The following CAMK4 variants were observed in gnomAD, a reference collection of about 807,000 sequenced individuals.
CAMK4 encodes the protein calcium/calmodulin dependent protein kinase IV.
A neutral mutation model predicts 44.9 loss-of-function variants in CAMK4; 22 were observed. That is an observed-to-expected ratio of 0.49 (90% CI 0.35 to 0.70). CAMK4 has a LOEUF of 0.70. CAMK4 is among the 30% of genes least tolerant of loss of function. CAMK4 has a pLI of 0.01. For synonymous variants in CAMK4, 218 were observed against 215.4 expected (o/e 1.01, Z -0.11); for missense variants, 498 against 586.8 (o/e 0.85, Z 1.56).
chr5:111,376,033 T>C (rs2112825419), intron 3 of CAMK4, among the ~76,000 whole-genome samples: 1 of 152,188 alleles, frequency 6.6e-6, no homozygotes, highest in East Asian at 1.9e-4. Flanking sequence ...AATTAGTGGC[T>C]AAGACCATTC....
At chr5:111,373,195 AC>A (rs1751077488) in intron 2 of CAMK4, among the ~76,000 whole-genome samples, 1 of 152,092 alleles carries the variant, frequency 6.6e-6, no homozygotes, top group Non-Finnish European at 1.5e-5. Context: ...AATAACCAAA[AC>A]TTTTATTGCA....
At chr5:111,431,814 T>A (rs994478994) in intron 5 of CAMK4, among the ~76,000 whole-genome samples, 3 of 152,014 alleles carry the variant, frequency 2.0e-5, no homozygotes, top group Non-Finnish European at 4.4e-5. Flanking sequence ...CAATGAGATA[T>A]CATCTCACCC....
chr5:111,454,222 T>C (rs1754337408), intron 7 of CAMK4, among the ~76,000 whole-genome samples: 1 of 152,210 alleles, frequency 6.6e-6, no homozygotes, highest in African/African-American at 2.4e-5. Flanking sequence ...GATGATTATA[T>C]CCAAGGTCGA....
chr5:111,326,975 G>T (rs574820968), intron 1 of CAMK4, among the ~76,000 whole-genome samples: 1 of 151,634 alleles, frequency 6.6e-6, no homozygotes, highest in Non-Finnish European at 1.5e-5. Context: ...AAAATAGAAA[G>T]CTGAGTGCTT....
chr5:111,297,396 A>C lies in CAMK4; in HGVS notation c.162-46628A>C, dbSNP rs547466754. 5.3e-5 allele frequency among the ~76,000 whole-genome samples: 8 copies of C among 152,304 alleles called. No homozygotes were observed. The East Asian group carries it at 1.4e-3, about 26-fold the overall frequency. On this transcript the variant is annotated intron_variant, in intron 1 of 10. Transcript: ENST00000282356. ...AGGATGTGGAAAATTAGCTCACTGC[A>C]CTTCGTCAAACCTATTTAAGAGAGA...
At chr5:111,274,388 C>T (rs919147983) in intron 1 of CAMK4, among the ~76,000 whole-genome samples, 11 of 152,226 alleles carry the variant, frequency 7.2e-5, no homozygotes, top group Non-Finnish European at 1.5e-4. Flanking sequence ...AATTTGTTTG[C>T]TAATACATCC....
chr5:111,446,587 C>T (rs1157018753), intron 5 of CAMK4, 99 bp from the exon 6 acceptor site: 3 of 665,774 alleles, frequency 4.5e-6, no homozygotes, highest in Non-Finnish European at 7.9e-6. Flanking sequence ...TATGTGTGTT[C>T]TTGAATCACA....
In CAMK4 at chr5:111,396,414, A is replaced by G. The variant is rs77492119; in HGVS notation, c.459+1632A>G. 3.5e-4 allele frequency among the ~76,000 whole-genome samples: 54 copies of G among 152,182 alleles called. No individual in the cohort carries two copies. In the East Asian group the frequency reaches 0.01, roughly 28 times the overall value. On this transcript the variant is annotated intron_variant, in intron 5 of 10. Coordinates refer to ENST00000282356, the MANE Select transcript of CAMK4 (RefSeq NM_001744.6). ...CCACCCCATTTCAGATTTTCATCACACATAACATATTTACCAATTCTGGTT... is the reference window on the plus strand; with the variant it reads ...CCACCCCATTTCAGATTTTCATCACGCATAACATATTTACCAATTCTGGTT...
At chr5:111,316,466 G>A (rs1396107114) in intron 1 of CAMK4, among the ~76,000 whole-genome samples, 1 of 152,114 alleles carries the variant, frequency 6.6e-6, no homozygotes, top group African/African-American at 2.4e-5. Context: ...GAGAACACCT[G>A]AGGTGACTTT....
intron 1 of CAMK4, among the ~76,000 whole-genome samples, chr5:111,225,572 G>T (rs375134297): frequency 6.6e-6 from 1 of 151,958 alleles, no homozygotes; most frequent in African/African-American, 2.4e-5. Context: ...TAATTTCAAC[G>T]GTTGACAAGT....
intron 7 of CAMK4, among the ~76,000 whole-genome samples, chr5:111,469,634 T>C (rs756981216): frequency 6.6e-5 from 10 of 152,174 alleles, no homozygotes; most frequent in Non-Finnish European, 1.5e-4. Context: ...CTTGCCAGTA[T>C]GTGTCTCTGG....
chr5:111,237,153 A>G lies in CAMK4; in HGVS notation c.161+12509A>G, dbSNP rs542174332. Among the ~76,000 whole-genome samples, 6 of 152,270 alleles carry G rather than the reference A, an allele frequency of 3.9e-5. No homozygotes were observed. The South Asian group carries it at 1.0e-3, about 26-fold the overall frequency. ...CTAGTTTATAGTGAACACTCATTACATATTTGCTGAGTAATATATCAGTTG... is the reference window on the plus strand; with the variant it reads ...CTAGTTTATAGTGAACACTCATTACGTATTTGCTGAGTAATATATCAGTTG... On this transcript the variant is annotated intron_variant, in intron 1 of 10. Coordinates refer to ENST00000282356, the MANE Select transcript of CAMK4 (RefSeq NM_001744.6).
At chr5:111,475,179 C>G (rs1755194101) in intron 8 of CAMK4, among the ~76,000 whole-genome samples, 1 of 151,788 alleles carries the variant, frequency 6.6e-6, no homozygotes, top group South Asian at 2.1e-4. Flanking sequence ...CAAAACAAAA[C>G]AAAACAAAAG....
chr5:111,463,431 A>G (rs1472815961), intron 7 of CAMK4, among the ~76,000 whole-genome samples: 8 of 152,224 alleles, frequency 5.3e-5, no homozygotes, highest in Admixed American at 5.2e-4. Flanking sequence ...GACAAAGGAC[A>G]TAACCTCTTG....
intron 1 of CAMK4, among the ~76,000 whole-genome samples, chr5:111,234,374 T>G (rs1213755330): frequency 1.3e-5 from 2 of 152,142 alleles, no homozygotes; most frequent in African/African-American, 4.8e-5. Flanking sequence ...AACAGTCACA[T>G]AGAAGAAAAC....
intron 1 of CAMK4, among the ~76,000 whole-genome samples, chr5:111,291,639 C>T (rs1012919367): frequency 2.6e-5 from 4 of 152,142 alleles, no homozygotes; most frequent in Non-Finnish European, 4.4e-5. Context: ...TTGCCTCAGC[C>T]TCCTGGGACC....
At position 111,490,306 on chromosome 5, in the gene CAMK4, G is replaced by A. The variant is rs147384576; in HGVS notation, c.*5840G>A. 1.3e-5 allele frequency: 2 copies of A among 152,234 alleles called. No homozygotes were observed. The highest frequency in any genetic ancestry group is 2.9e-5 in the Non-Finnish European group (2 of 68,026). The allele number at this position is 152,234 out of a possible 1,614,324, so 9.4% of individuals were successfully genotyped here. A position where few individuals can be genotyped will look rare whatever the true frequency, so the allele number is the denominator to read the frequency against. On this transcript the variant is annotated 3_prime_UTR_variant, in exon 11 of 11. Transcript: ENST00000282356. ...AGAGCAGTTCATCTGTTTTGTAAAG[G>A]TACAGTTAAGCATAACTATAGGCTG...
chr5:111,454,405 A>T (rs1303202442), intron 7 of CAMK4, among the ~76,000 whole-genome samples: 1 of 152,170 alleles, frequency 6.6e-6, no homozygotes, highest in Non-Finnish European at 1.5e-5. Context: ...GGCTATTAAT[A>T]AACAGGGCTC....
chr5:111,242,366 C>T (rs1381853008), intron 1 of CAMK4, among the ~76,000 whole-genome samples: 3 of 152,134 alleles, frequency 2.0e-5, no homozygotes, highest in Non-Finnish European at 4.4e-5. Flanking sequence ...TCCTTGGCAT[C>T]GTACCTAGTA....
Sources: gnomAD v4.1 joint callset for allele counts (sites outside exome capture counted in the v4.1 genomes callset) on GRCh38, gnomAD v4.1.1 for gene constraint, MANE v1.5 for transcripts, NCBI Gene and HGNC (gene_info 2026-07-23, HGNC 2026-07-21) for gene names.